The following OXR1 variants were observed in gnomAD, a reference collection of about 807,000 sequenced individuals.
OXR1 encodes oxidation resistance 1, also known as oxidation resistance protein 1.
In OXR1, 41 loss-of-function variants were observed where a neutral mutation model predicts 104.6. The observed-to-expected ratio is 0.39, with a 90% CI of 0.31 to 0.51. The LOEUF (loss-of-function observed/expected upper bound fraction) is 0.51. Among genes scored for constraint, OXR1 ranks in the 20% least tolerant of loss-of-function variants. OXR1 has a pLI of 0.77. For synonymous variants in OXR1, 348 were observed against 348.4 expected, an observed-to-expected ratio of 1.00 and a Z score of 0.01; for missense variants, 955 against 1,031.9, an observed-to-expected ratio of 0.93 and a Z score of 1.02.
chr8:106,745,815 GT>G lies in OXR1; in HGVS notation c.2445del (p.Phe815LeufsTer9). On this transcript the variant is annotated frameshift_variant, in exon 16 of 17. Transcript: ENST00000517566. LOFTEE classifies it high-confidence loss of function. ...TCTTTAAGTGGACAGGAGATAATAT[GT>G]TTTTTATCAAAGGAGACATGGATTC... is the stretch of plus-strand genomic sequence containing the variant. ...EVFKWTGDNM[F>X]FIKGDMDSLA... 1 of 1,582,074 alleles carries G rather than the reference GT, an allele frequency of 6.3e-7. No individual in the cohort carries two copies. The highest frequency in any genetic ancestry group is 8.7e-7 in the Non-Finnish European group (1 of 1,152,746).
At chr8:106,316,252 A>G (rs375080970) in intron 1 of OXR1, among the ~76,000 whole-genome samples, 2 of 152,286 alleles carry the variant, frequency 1.3e-5, no homozygotes, top group East Asian at 3.9e-4. Flanking sequence ...CACAACTCAA[A>G]GCTTTTTTCT....
chr8:106,721,151 T>G (rs577729532), intron 11 of OXR1, among the ~76,000 whole-genome samples: 1 of 152,082 alleles, frequency 6.6e-6, no homozygotes, highest in African/African-American at 2.4e-5. Flanking sequence ...CACACAGGCC[T>G]CAAAGGTGGA....
intron 3 of OXR1, among the ~76,000 whole-genome samples, chr8:106,612,930 C>G (rs1820924665): frequency 6.6e-6 from 1 of 152,008 alleles, no homozygotes; most frequent in African/African-American, 2.4e-5. Context: ...GAGATTTGAA[C>G]CCTGGTCAAC....
At chr8:106,477,116 A>T (rs1821849137) in intron 2 of OXR1, among the ~76,000 whole-genome samples, 1 of 151,960 alleles carries the variant, frequency 6.6e-6, no homozygotes, top group African/African-American at 2.4e-5. Context: ...TAATGTCATG[A>T]CTTTTCTCTG....
At chr8:106,377,295 G>A (rs148195408) in intron 2 of OXR1, among the ~76,000 whole-genome samples, 256 of 151,680 alleles carry the variant, frequency 1.7e-3, no homozygotes, top group African/African-American at 5.5e-3. Context: ...CGATCTTTCC[G>A]TCTCAGTCTC....
intron 2 of OXR1, among the ~76,000 whole-genome samples, chr8:106,398,846 G>A (rs1461192688): frequency 6.6e-6 from 1 of 152,036 alleles, no homozygotes; most frequent in African/African-American, 2.4e-5. Flanking sequence ...ATAGCTATTT[G>A]CTATTCTTCT....
intron 3 of OXR1, among the ~76,000 whole-genome samples, chr8:106,629,812 TA>T (rs981748627): frequency 2.0e-5 from 3 of 152,104 alleles, no homozygotes; most frequent in East Asian, 3.9e-4. Context: ...AACTGCTCTT[TA>T]AAAAAACTTG....
chr8:106,422,540 A>G (rs1403106118), intron 2 of OXR1, among the ~76,000 whole-genome samples: 1 of 150,224 alleles, frequency 6.7e-6, no homozygotes, highest in Non-Finnish European at 1.5e-5. Flanking sequence ...GTAAAAAAAG[A>G]CTAATAGTAA....
intron 2 of OXR1, among the ~76,000 whole-genome samples, chr8:106,439,441 CGT>C (rs916929430): frequency 7.4e-4 from 112 of 152,174 alleles, no homozygotes; most frequent in African/African-American, 2.6e-3. Context: ...GCCAGTCTAT[CGT>C]AGTTTGTTAG....
At chr8:106,567,934 T>G (rs975790467) in intron 3 of OXR1, among the ~76,000 whole-genome samples, 1 of 152,142 alleles carries the variant, frequency 6.6e-6, no homozygotes, top group African/African-American at 2.4e-5. Context: ...TGCTTCATGA[T>G]TCAAATTATG....
intron 3 of OXR1, among the ~76,000 whole-genome samples, chr8:106,546,875 G>A (rs1815397518): frequency 6.6e-6 from 1 of 152,050 alleles, no homozygotes; most frequent in Non-Finnish European, 1.5e-5. Flanking sequence ...TACATAACAT[G>A]AAATTTACTA....
intron 3 of OXR1, among the ~76,000 whole-genome samples, chr8:106,622,212 A>G (rs1386156801): frequency 6.6e-6 from 1 of 152,072 alleles, no homozygotes; most frequent in Non-Finnish European, 1.5e-5. Flanking sequence ...GAATCTGTCC[A>G]GTCCTTACCA....
intron 9 of OXR1, among the ~76,000 whole-genome samples, chr8:106,709,201 A>G (rs185665482): frequency 6.6e-6 from 1 of 152,248 alleles, no homozygotes; most frequent in Admixed American, 6.6e-5. Flanking sequence ...TTTCTTATAG[A>G]ACAAAATCAT....
intron 1 of OXR1, among the ~76,000 whole-genome samples, chr8:106,301,560 G>C (rs1322116624): frequency 6.6e-6 from 1 of 152,154 alleles, no homozygotes; most frequent in Non-Finnish European, 1.5e-5. Flanking sequence ...CTGAATCCCT[G>C]CTGTGATGCC....
rs184263557 is a variant in OXR1, at chr8:106,581,825, A to G, written c.220+62686A>G. Among the ~76,000 whole-genome samples the G allele has an allele frequency of 7.8e-4, 118 of 152,092 alleles. No individual in the cohort carries two copies. In the Middle Eastern group the frequency reaches 0.024, roughly 31 times the overall value. ...GATCATCTGAGGTCAGGAGTTCAAG[A>G]CCAGCCTGACCAACATGGAGAAACC... is the stretch of plus-strand genomic sequence containing the variant. On this transcript the variant is annotated intron_variant, in intron 3 of 16. Transcript: ENST00000517566.
intron 2 of OXR1, among the ~76,000 whole-genome samples, chr8:106,454,296 A>G (rs1181201110): frequency 6.6e-6 from 1 of 151,882 alleles, no homozygotes; most frequent in Non-Finnish European, 1.5e-5. Context: ...TCCTGTCTCT[A>G]CTAAAATACA....
At chr8:106,396,948 C>T (rs1385158399) in intron 2 of OXR1, among the ~76,000 whole-genome samples, 1 of 151,934 alleles carries the variant, frequency 6.6e-6, no homozygotes, top group Admixed American at 6.6e-5. Flanking sequence ...TGTATAATGA[C>T]TTGGAACAAT....
At chr8:106,532,771 A>C (rs376845451) in intron 3 of OXR1, among the ~76,000 whole-genome samples, 2 of 152,238 alleles carry the variant, frequency 1.3e-5, no homozygotes, top group East Asian at 3.8e-4. Flanking sequence ...AAAAAGATAT[A>C]TCCTCTTTCA....
chr8:106,489,500 A>T (rs1273771960), intron 2 of OXR1, among the ~76,000 whole-genome samples: 2 of 152,196 alleles, frequency 1.3e-5, no homozygotes, highest in East Asian at 3.8e-4. Context: ...ATATTAGTGT[A>T]TCTGACATAT....
Sources: gnomAD v4.1 joint callset for allele counts (sites outside exome capture counted in the v4.1 genomes callset) on GRCh38, gnomAD v4.1.1 for gene constraint, MANE v1.5 for transcripts, NCBI Gene and HGNC (gene_info 2026-07-23, HGNC 2026-07-21) for gene names.